GRIK2: variants seen among roughly 807,000 people sequenced by gnomAD.
The protein encoded by GRIK2 is glutamate receptor ionotropic, kainate 2.
Under a neutral mutation model 100.3 loss-of-function variants are expected in GRIK2, and 32 were observed. The observed-to-expected ratio is 0.32, with a 90% CI of 0.24 to 0.43. The LOEUF (loss-of-function observed/expected upper bound fraction) is 0.43. GRIK2 is among the 20% of genes least tolerant of loss of function. The pLI, the probability that GRIK2 is intolerant of heterozygous loss-of-function variation, is 1.00. For missense variants in GRIK2, 843 were observed against 1,114.9 expected (o/e 0.76, Z 3.47); for synonymous variants, 417 against 389.4 (o/e 1.07, Z -0.83).
At chr6:102,036,838 A>G (rs1345296299) in intron 15 of GRIK2, among the ~76,000 whole-genome samples, 2 of 151,394 alleles carry the variant, frequency 1.3e-5, no homozygotes, top group African/African-American at 4.8e-5. Context: ...GTACAGAGGG[A>G]AAAAAGTCAT....
At chr6:101,827,500 A>G (rs1327551024) in intron 10 of GRIK2, among the ~76,000 whole-genome samples, 1 of 151,856 alleles carries the variant, frequency 6.6e-6, no homozygotes, top group Non-Finnish European at 1.5e-5. Flanking sequence ...AAAAAAACCA[A>G]TATCAGTCTT....
intron 14 of GRIK2, among the ~76,000 whole-genome samples, chr6:101,945,252 T>C (rs1197650631): frequency 1.3e-5 from 2 of 152,150 alleles, no homozygotes; most frequent in Non-Finnish European, 2.9e-5. Context: ...AATTGAGATA[T>C]GTTTTCAGTG....
chr6:101,859,513 A>G lies in GRIK2; in HGVS notation c.1524+20A>G, dbSNP rs1582398335. 4.3e-6 allele frequency: 6 copies of G among 1,393,858 alleles called. No individual in the cohort carries two copies. Among genetic ancestry groups the G allele is most frequent in the Non-Finnish European group, 6.1e-6 (6 of 985,150 alleles). 86.3% of individuals were successfully genotyped at this position (1,393,858 alleles called of 1,614,324 possible). A position where few individuals can be genotyped will look rare whatever the true frequency, so the allele number is the denominator to read the frequency against. ...GATCATGTAAGTCCCTTCCCTCATG[A>G]TTTATTAGTTTGTTATGTTGCTACA... On this transcript the variant is annotated intron_variant, in intron 11 of 16. Coordinates refer to ENST00000369134, the MANE Select transcript of GRIK2 (RefSeq NM_021956.5).
chr6:101,619,934 A>G (rs1780069837), intron 2 of GRIK2, among the ~76,000 whole-genome samples: 1 of 152,248 alleles, frequency 6.6e-6, no homozygotes, highest in East Asian at 1.9e-4. Context: ...TAATTCCTGT[A>G]AAATAATGCT....
intron 2 of GRIK2, among the ~76,000 whole-genome samples, chr6:101,526,675 C>G (rs974339754): frequency 6.6e-6 from 1 of 152,056 alleles, no homozygotes; most frequent in Admixed American, 6.6e-5. Flanking sequence ...TCTTACCATA[C>G]AGAGGGAAAG....
At chr6:102,045,447 CT>C (rs1449966890) in intron 15 of GRIK2, among the ~76,000 whole-genome samples, 3 of 152,040 alleles carry the variant, frequency 2.0e-5, no homozygotes, top group Admixed American at 2.0e-4. Context: ...GTGAGAGCAT[CT>C]CAAATCCATT....
intron 2 of GRIK2, among the ~76,000 whole-genome samples, chr6:101,518,698 C>T (rs562367333): frequency 2.0e-5 from 3 of 152,212 alleles, no homozygotes; most frequent in East Asian, 3.9e-4. Flanking sequence ...TAAAGATTTA[C>T]AGCATACTCT....
chr6:101,406,686 G>A (rs1775609362), intron 2 of GRIK2, among the ~76,000 whole-genome samples: 1 of 152,078 alleles, frequency 6.6e-6, no homozygotes, highest in African/African-American at 2.4e-5. Flanking sequence ...GATTAGCATG[G>A]GTGTGGAAGG....
intron 7 of GRIK2, among the ~76,000 whole-genome samples, chr6:101,691,635 T>C (rs1286385269): frequency 6.6e-6 from 1 of 152,100 alleles, no homozygotes; most frequent in Non-Finnish European, 1.5e-5. Flanking sequence ...AGTGAAAGTA[T>C]AGTAAGTTAG....
chr6:101,542,438 T>G (rs944694998), intron 2 of GRIK2, among the ~76,000 whole-genome samples: 1 of 151,846 alleles, frequency 6.6e-6, no homozygotes, highest in Non-Finnish European at 1.5e-5. Context: ...CTAAAGATTC[T>G]TCTTTATCAA....
At chr6:101,861,323 C>T (rs936858942) in intron 11 of GRIK2, among the ~76,000 whole-genome samples, 1 of 152,100 alleles carries the variant, frequency 6.6e-6, no homozygotes, top group African/African-American at 2.4e-5. Context: ...AAAACATAAA[C>T]ATTTAGATGG....
intron 14 of GRIK2, among the ~76,000 whole-genome samples, chr6:101,972,573 T>A (rs1185843074): frequency 6.9e-6 from 1 of 144,038 alleles, no homozygotes; most frequent in Non-Finnish European, 1.5e-5. Context: ...GTCGATAGTT[T>A]CTTTAATTTG....
chr6:102,051,834 G>A (rs1771215517), intron 15 of GRIK2, among the ~76,000 whole-genome samples: 1 of 152,148 alleles, frequency 6.6e-6, no homozygotes, highest in Non-Finnish European at 1.5e-5. Flanking sequence ...TTTCCTTAGT[G>A]TTTTCTAATT....
At chr6:101,723,224 C>CT (rs943173814) in intron 7 of GRIK2, among the ~76,000 whole-genome samples, 39 of 151,926 alleles carry the variant, frequency 2.6e-4, no homozygotes, top group Non-Finnish European at 4.4e-4. Context: ...AAAGATTTAT[C>CT]TTTTTTTTCT....
At chr6:101,419,904 G>C (rs1446347784) in intron 2 of GRIK2, among the ~76,000 whole-genome samples, 1 of 152,186 alleles carries the variant, frequency 6.6e-6, no homozygotes, top group African/African-American at 2.4e-5. Context: ...GGCAGGATGA[G>C]ACATTGCTCT....
intron 2 of GRIK2, among the ~76,000 whole-genome samples, chr6:101,547,565 C>T (rs187769569): frequency 4.3e-4 from 66 of 152,192 alleles, no homozygotes; most frequent in South Asian, 1.7e-3. Context: ...TGAGAACATG[C>T]GGTGTTTGGA....
chr6:101,625,383 A>ATAAT (rs1489204977), intron 3 of GRIK2, among the ~76,000 whole-genome samples: 2 of 135,134 alleles, frequency 1.5e-5, no homozygotes, highest in African/African-American at 5.3e-5. Flanking sequence ...AACAAAATAA[A>ATAAT]TAATAAATAA....
At chr6:101,529,343 A>G (rs1319941930) in intron 2 of GRIK2, among the ~76,000 whole-genome samples, 1 of 152,124 alleles carries the variant, frequency 6.6e-6, no homozygotes, top group East Asian at 1.9e-4. Context: ...TAATTCCATT[A>G]TAGTCTCCAA....
intron 2 of GRIK2, among the ~76,000 whole-genome samples, chr6:101,528,360 T>G (rs1236061175): frequency 1.3e-5 from 2 of 152,042 alleles, no homozygotes; most frequent in African/African-American, 4.8e-5. Flanking sequence ...CTTTAATATT[T>G]CCACAGCCAA....
Sources: allele counts gnomAD v4.1 joint callset (sites outside exome capture counted in the v4.1 genomes callset), GRCh38; gene constraint gnomAD v4.1.1; transcripts MANE v1.5; gene names NCBI Gene and HGNC (gene_info 2026-07-23, HGNC 2026-07-21).